Variants in VEGFC observed in about 807,000 individuals in gnomAD.
VEGFC encodes the protein vascular endothelial growth factor C, also known as FLT4 ligand DHM.
In VEGFC, 12 loss-of-function variants were observed where a neutral mutation model predicts 46.1. That is an observed-to-expected ratio of 0.26 (90% CI 0.17 to 0.42). The LOEUF is 0.42. Among genes scored for constraint, VEGFC ranks in the 10% least tolerant of loss-of-function variants. The probability of loss-of-function intolerance (pLI) is 1.00; values close to 1 mark genes in which losing one functional copy is unlikely to be tolerated. For synonymous variants in VEGFC, 232 were observed against 195.5 expected, an observed-to-expected ratio of 1.19 and a Z score of -1.56; for missense variants, 488 against 529.4, an observed-to-expected ratio of 0.92 and a Z score of 0.77.
intron 1 of VEGFC, among the ~76,000 whole-genome samples, chr4:176,774,970 T>C (rs140661167): frequency 6.6e-5 from 10 of 152,322 alleles, no homozygotes; most frequent in Admixed American, 1.3e-4. Context: ...TCAGCCCGAT[T>C]GATCAGATGT....
intron 4 of VEGFC, among the ~76,000 whole-genome samples, chr4:176,710,990 T>C (rs1236881364): frequency 6.6e-6 from 1 of 152,082 alleles, no homozygotes; most frequent in Non-Finnish European, 1.5e-5. Context: ...ATTCAAATAT[T>C]GCTGAAATAA....
intron 1 of VEGFC, among the ~76,000 whole-genome samples, chr4:176,763,934 A>G (rs1409101361): frequency 6.6e-6 from 1 of 152,122 alleles, no homozygotes; most frequent in Non-Finnish European, 1.5e-5. Flanking sequence ...AATTTAAACC[A>G]AAGGCCTATC....
chr4:176,715,200 A>T (rs1444963235), intron 3 of VEGFC, among the ~76,000 whole-genome samples: 22 of 152,164 alleles, frequency 1.4e-4, no homozygotes. Context: ...TTTTGTGTCT[A>T]AGTAGCAATT....
chr4:176,690,206 C>T (rs1437584571), intron 4 of VEGFC, among the ~76,000 whole-genome samples: 1 of 152,050 alleles, frequency 6.6e-6, no homozygotes, highest in Admixed American at 6.6e-5. Context: ...TTGCTTTATC[C>T]TGCATATATT....
chr4:176,718,803 C>A (rs1734735999), intron 3 of VEGFC, among the ~76,000 whole-genome samples: 1 of 152,120 alleles, frequency 6.6e-6, no homozygotes, highest in Non-Finnish European at 1.5e-5. Flanking sequence ...TACTAACATT[C>A]AAGTAACTTT....
chr4:176,760,667 G>C (rs1319805507), intron 1 of VEGFC, among the ~76,000 whole-genome samples: 2 of 152,064 alleles, frequency 1.3e-5, no homozygotes, highest in East Asian at 3.9e-4. Context: ...ACGAGCTAAA[G>C]CTGTTCTCTA....
chr4:176,706,097 T>C (rs577342251), intron 4 of VEGFC: 161 of 152,296 alleles, frequency 1.1e-3, no homozygotes, highest in African/African-American at 3.8e-3. Context: ...AGATGCTTGG[T>C]GCTTTGTAAT....
chr4:176,776,614 G>A (rs1469574797), intron 1 of VEGFC, among the ~76,000 whole-genome samples: 1 of 152,202 alleles, frequency 6.6e-6, no homozygotes, highest in East Asian at 1.9e-4. Context: ...AGTCGTACAA[G>A]AGAACCAAAG....
chr4:176,702,106 T>C (rs1734444226), intron 4 of VEGFC, among the ~76,000 whole-genome samples: 1 of 152,062 alleles, frequency 6.6e-6, no homozygotes, highest in Non-Finnish European at 1.5e-5. Context: ...AGACCTCAAG[T>C]TCCAAATCAA....
chr4:176,725,380 T>C (rs1734856478), intron 3 of VEGFC, among the ~76,000 whole-genome samples: 1 of 152,160 alleles, frequency 6.6e-6, no homozygotes, highest in Admixed American at 6.5e-5. Flanking sequence ...CCTAGCACAC[T>C]GCAGCCCTGA....
intron 1 of VEGFC, among the ~76,000 whole-genome samples, chr4:176,767,501 G>A (rs983771328): frequency 2.0e-5 from 3 of 152,120 alleles, no homozygotes; most frequent in Admixed American, 6.5e-5. Context: ...CAATTTCCAG[G>A]GCTGATAGCA....
intron 1 of VEGFC, among the ~76,000 whole-genome samples, chr4:176,784,041 G>T (rs1329145711): frequency 6.7e-6 from 1 of 148,198 alleles, no homozygotes; most frequent in Non-Finnish European, 1.5e-5. Context: ...GGTTCCAAGG[G>T]CTTTATATGT....
rs1217724036 is a variant in VEGFC at position 176,792,839 on chromosome 4, C to T, written c.-528G>A. 10 of 146,664 alleles carry T rather than the reference C, an allele frequency of 6.8e-5. No individual in the cohort carries two copies. The East Asian group carries it at 1.4e-3, about 21-fold the overall frequency. The allele number at this position is 146,664 out of a possible 1,614,324, so 9.1% of individuals were successfully genotyped here. On this transcript the variant is annotated 5_prime_UTR_variant, in exon 1 of 7. Transcript: ENST00000618562. The surrounding 1 kb of genome is among the most constrained non-coding windows in gnomAD (Gnocchi z 6.3). ...GCGGGGCGGCTGGCGGCGGCGGGGC[C>T]CGGGAGCGCCGCGGCGCAGGATCCT...
In VEGFC at chr4:176,729,608, G is replaced by C. The variant is rs772222705; in HGVS notation, c.286C>G (p.Gln96Glu). The change falls in exon 2 of 7, where the codon CAG becomes GAG. Residue 96 changes from glutamine (Q) to glutamate (E), a missense_variant. Coordinates refer to ENST00000618562, the MANE Select transcript of VEGFC (RefSeq NM_005429.5). Reference sequence around the variant, plus strand: ...TCTGTCCTTGAGTTGAGGTTGGCCTGTTCTCTGTTATGTTGCCAGCCTCCT... The same window carrying C: ...TCTGTCCTTGAGTTGAGGTTGGCCTCTTCTCTGTTATGTTGCCAGCCTCCT... The part of the protein sequence containing the change: ...RKGGWQHNRE[Q>E]ANLNSRTEET... The C allele has an allele frequency of 1.9e-6, 3 of 1,613,838 alleles. No homozygotes were observed. The East Asian group carries it at 6.7e-5, about 36-fold the overall frequency.
chr4:176,687,181 T>C lies in VEGFC; in HGVS notation c.1145+6A>G. 3.1e-6 allele frequency: 5 copies of C among 1,607,604 alleles called. No homozygotes were observed. Among genetic ancestry groups the C allele is most frequent in the Non-Finnish European group, 4.2e-6 (5 of 1,177,508 alleles). On this transcript the variant is annotated splice_donor_region_variant and intron_variant, in intron 6 of 6. Transcript: ENST00000618562. Reference sequence around the variant, plus strand: ...TAAATTAATATTCTTCATGAGGATCTCTTACCTGCATGTTTGGTGGTGGAA... The same window carrying C: ...TAAATTAATATTCTTCATGAGGATCCCTTACCTGCATGTTTGGTGGTGGAA...
At chr4:176,749,958 G>A (rs1363271767) in intron 1 of VEGFC, among the ~76,000 whole-genome samples, 2 of 151,136 alleles carry the variant, frequency 1.3e-5, no homozygotes. Flanking sequence ...CTGAATTACT[G>A]AAAATTACAG....
At chr4:176,748,733 T>G (rs2110890884) in intron 1 of VEGFC, among the ~76,000 whole-genome samples, 1 of 152,094 alleles carries the variant, frequency 6.6e-6, no homozygotes, top group East Asian at 1.9e-4. Context: ...TATAAGCTTT[T>G]GCTAAAACTC....
intron 1 of VEGFC, among the ~76,000 whole-genome samples, chr4:176,759,939 G>A (rs538942546): frequency 9.4e-4 from 143 of 152,024 alleles, no homozygotes; most frequent in African/African-American, 3.2e-3. Flanking sequence ...ATTGACGAAG[G>A]CATAGCTTCC....
At chr4:176,697,533 G>C (rs1321439751) in intron 4 of VEGFC, among the ~76,000 whole-genome samples, 1 of 149,838 alleles carries the variant, frequency 6.7e-6, no homozygotes, top group East Asian at 2.0e-4. Flanking sequence ...TTACACTGTT[G>C]GTGGGACTGT....
Sources: gnomAD v4.1 joint callset for allele counts (sites outside exome capture counted in the v4.1 genomes callset) on GRCh38, gnomAD v4.1.1 for gene constraint, Gnocchi (gnomAD v3.1) non-coding constraint, MANE v1.5 for transcripts, NCBI Gene and HGNC (gene_info 2026-07-23, HGNC 2026-07-21) for gene names.